The following NRXN1 variants were observed in gnomAD, a reference collection of about 807,000 sequenced individuals.
NRXN1 encodes the protein neurexin-1.
In NRXN1, 39 loss-of-function variants were observed where a neutral mutation model predicts 150.9. That is an observed-to-expected ratio of 0.26 (90% CI 0.20 to 0.34). The LOEUF is 0.34. Among genes scored for constraint, NRXN1 ranks in the 10% least tolerant of loss-of-function variants. The pLI is 1.00. For missense variants in NRXN1, 1,815 were observed against 1,949.9 expected (o/e 0.93, Z 1.30); for synonymous variants, 924 against 757.0 (o/e 1.22, Z -3.62).
intron 5 of NRXN1, among the ~76,000 whole-genome samples, chr2:50,735,832 A>G (rs1387376543): frequency 6.6e-6 from 1 of 152,028 alleles, no homozygotes. Context: ...GCTTCATTCT[A>G]TAACCTATAC....
intron 12 of NRXN1, among the ~76,000 whole-genome samples, chr2:50,527,620 T>C (rs1017199972): frequency 1.3e-5 from 2 of 152,150 alleles, no homozygotes; most frequent in Admixed American, 1.3e-4. Context: ...AGGCACAGTG[T>C]TTGAAACAGT....
At chr2:50,996,987 T>C (rs1699397347) in intron 2 of NRXN1, among the ~76,000 whole-genome samples, 1 of 151,902 alleles carries the variant, frequency 6.6e-6, no homozygotes, top group Non-Finnish European at 1.5e-5. Context: ...TAAGGAGAAA[T>C]ATGAGTCAAT....
At chr2:50,843,854 C>T (rs1673230020) in intron 5 of NRXN1, among the ~76,000 whole-genome samples, 1 of 152,190 alleles carries the variant, frequency 6.6e-6, no homozygotes, top group South Asian at 2.1e-4. Context: ...TCAAACGTCT[C>T]ACAATGCTAT....
rs1164479771 is a variant in NRXN1 at position 50,942,277 on chromosome 2, G to A, written c.773-16322C>T. Among the ~76,000 whole-genome samples, 3 of 152,192 alleles carry A rather than the reference G, an allele frequency of 2.0e-5. No homozygotes were observed. The East Asian group carries it at 5.8e-4, about 29-fold the overall frequency. ...CTACTGTGGGAATGGAGCCCACATGGAGAACCTCTACTAGGGCAATGCAGA... is the reference window on the plus strand; with the variant it reads ...CTACTGTGGGAATGGAGCCCACATGAAGAACCTCTACTAGGGCAATGCAGA... On this transcript the variant is annotated intron_variant, in intron 2 of 22. Transcript: ENST00000401669.
At chr2:50,232,273 A>G (rs1413574113) in intron 18 of NRXN1, among the ~76,000 whole-genome samples, 2 of 152,022 alleles carry the variant, frequency 1.3e-5, no homozygotes, top group Non-Finnish European at 2.9e-5. Context: ...AGAGCCTAAC[A>G]TAGGCCTGGG....
At chr2:50,772,121 C>T (rs1703084147) in intron 5 of NRXN1, among the ~76,000 whole-genome samples, 1 of 151,792 alleles carries the variant, frequency 6.6e-6, no homozygotes, top group African/African-American at 2.4e-5. Flanking sequence ...CAGATTTTCT[C>T]CTAATAAAAC....
chr2:50,586,784 T>C (rs945014469), intron 8 of NRXN1, among the ~76,000 whole-genome samples: 2 of 152,106 alleles, frequency 1.3e-5, no homozygotes, highest in Non-Finnish European at 2.9e-5. Context: ...TGAAACCAAT[T>C]TGGGAATGTA....
chr2:50,112,652 T>G (rs140642765), intron 18 of NRXN1, among the ~76,000 whole-genome samples: 1 of 152,228 alleles, frequency 6.6e-6, no homozygotes, highest in Non-Finnish European at 1.5e-5. Context: ...GGCTTTGGTA[T>G]GCAGTGTAAG....
chr2:49,958,039 C>T (rs185017329), intron 21 of NRXN1, among the ~76,000 whole-genome samples: 188 of 152,184 alleles, frequency 1.2e-3, no homozygotes, highest in Non-Finnish European at 2.1e-3. Flanking sequence ...GGAATGATGC[C>T]GTCACTCACA....
intron 5 of NRXN1, among the ~76,000 whole-genome samples, chr2:50,893,989 A>C (rs1681503397): frequency 6.6e-6 from 1 of 151,854 alleles, no homozygotes; most frequent in Non-Finnish European, 1.5e-5. Context: ...CATTTTCTTA[A>C]TCCAGTCTAT....
intron 21 of NRXN1, chr2:49,974,058 T>A (rs1278726359): frequency 2.8e-6 from 2 of 717,256 alleles, no homozygotes; most frequent in Non-Finnish European, 5.2e-6. Context: ...ATGGAAATCC[T>A]AGGAAATTTA....
At chr2:50,825,047 T>C (rs944565204) in intron 5 of NRXN1, among the ~76,000 whole-genome samples, 2 of 152,194 alleles carry the variant, frequency 1.3e-5, no homozygotes, top group African/African-American at 4.8e-5. Context: ...GCTGCCTTTA[T>C]ATAACTTGCC....
At chr2:50,502,445 C>T (rs1207304584) in intron 13 of NRXN1, among the ~76,000 whole-genome samples, 1 of 151,708 alleles carries the variant, frequency 6.6e-6, no homozygotes, top group Non-Finnish European at 1.5e-5. Flanking sequence ...GGAATAAATA[C>T]ACACACACAC....
At chr2:51,013,454 G>GTT (rs34968933) in intron 2 of NRXN1, among the ~76,000 whole-genome samples, 4 of 142,512 alleles carry the variant, frequency 2.8e-5, no homozygotes, top group East Asian at 4.1e-4. Flanking sequence ...AAATAGAGTT[G>GTT]TTTTTTTTTT....
intron 5 of NRXN1, among the ~76,000 whole-genome samples, chr2:50,920,639 G>A (rs1390936777): frequency 7.9e-5 from 12 of 151,644 alleles, no homozygotes; most frequent in Admixed American, 3.3e-4. Flanking sequence ...TTAAGAGAAC[G>A]CAGTGGATGA....
At chr2:50,721,686 C>T (rs974087137) in intron 5 of NRXN1, among the ~76,000 whole-genome samples, 3 of 152,082 alleles carry the variant, frequency 2.0e-5, no homozygotes, top group African/African-American at 7.2e-5. Flanking sequence ...GTTATACTTA[C>T]CACTTGCTAT....
chr2:50,468,991 T>C (rs1166263253), intron 16 of NRXN1, among the ~76,000 whole-genome samples: 2 of 151,610 alleles, frequency 1.3e-5, no homozygotes, highest in Admixed American at 6.6e-5. Flanking sequence ...TATGTAGAGA[T>C]ATTATCTTGA....
intron 19 of NRXN1, among the ~76,000 whole-genome samples, chr2:50,056,710 T>C (rs907721027): frequency 1.1e-4 from 16 of 152,302 alleles, no homozygotes; most frequent in African/African-American, 3.8e-4. Flanking sequence ...TTAGTTACTT[T>C]AGGACAGTGT....
intron 5 of NRXN1, among the ~76,000 whole-genome samples, chr2:50,729,631 T>G (rs549036432): frequency 1.3e-5 from 2 of 152,302 alleles, no homozygotes; most frequent in Admixed American, 1.3e-4. Flanking sequence ...CCTCAATGAT[T>G]TGCTCCACCT....
Sources: gnomAD v4.1 joint callset for allele counts (sites outside exome capture counted in the v4.1 genomes callset) on GRCh38, gnomAD v4.1.1 for gene constraint, MANE v1.5 for transcripts, NCBI Gene and HGNC (gene_info 2026-07-23, HGNC 2026-07-21) for gene names.